The following RSRC1 variants were observed in gnomAD, a reference collection of about 807,000 sequenced individuals.
RSRC1 encodes the protein arginine and serine rich coiled-coil 1.
Under a neutral mutation model 49.1 loss-of-function variants are expected in RSRC1, and 39 were observed. That is an observed-to-expected ratio of 0.79 (90% confidence interval 0.61 to 1.04). The LOEUF (loss-of-function observed/expected upper bound fraction) is 1.04. RSRC1 is among the 50% of genes least tolerant of loss of function. RSRC1 has a pLI of 0.00. For synonymous variants in RSRC1, 143 were observed against 130.8 expected, an observed-to-expected ratio of 1.09 and a Z score of -0.63; for missense variants, 388 against 402.4, an observed-to-expected ratio of 0.96 and a Z score of 0.31.
intron 6 of RSRC1, among the ~76,000 whole-genome samples, chr3:158,428,195 T>A (rs1048057534): frequency 6.6e-6 from 1 of 151,886 alleles, no homozygotes; most frequent in Admixed American, 6.6e-5. Flanking sequence ...ATAAGTCTAA[T>A]ACACCTCCAG....
At chr3:158,360,840 A>G (rs1731426045) in intron 6 of RSRC1, among the ~76,000 whole-genome samples, 1 of 152,156 alleles carries the variant, frequency 6.6e-6, no homozygotes, top group Non-Finnish European at 1.5e-5. Context: ...CCACAGCCCC[A>G]ACTTGGGGGC....
chr3:158,326,764 C>A (rs1234020886), intron 5 of RSRC1, among the ~76,000 whole-genome samples: 1 of 152,122 alleles, frequency 6.6e-6, no homozygotes, highest in South Asian at 2.1e-4. Flanking sequence ...AGGGAGGATT[C>A]CCTCTTTTTC....
At chr3:158,449,438 T>C (rs1252074112) in intron 6 of RSRC1, among the ~76,000 whole-genome samples, 1 of 151,954 alleles carries the variant, frequency 6.6e-6, no homozygotes, top group East Asian at 1.9e-4. Flanking sequence ...ATAATTCTCT[T>C]TACTGCAGAA....
intron 7 of RSRC1, among the ~76,000 whole-genome samples, chr3:158,485,795 T>G (rs1339152162): frequency 6.6e-6 from 1 of 152,180 alleles, no homozygotes; most frequent in Admixed American, 6.6e-5. Context: ...AACTGTGATT[T>G]TCACTGACTT....
chr3:158,371,787 C>G (rs958880006), intron 6 of RSRC1, among the ~76,000 whole-genome samples: 2 of 151,856 alleles, frequency 1.3e-5, no homozygotes, highest in African/African-American at 4.8e-5. Context: ...AAACTGTTTT[C>G]CAAAGTGGCT....
intron 4 of RSRC1, among the ~76,000 whole-genome samples, chr3:158,242,317 C>T (rs916411846): frequency 1.3e-5 from 2 of 151,926 alleles, no homozygotes; most frequent in African/African-American, 4.8e-5. Flanking sequence ...GTTTTTTGTT[C>T]CTGTGTTAGT....
chr3:158,276,084 T>A (rs1559972381), intron 4 of RSRC1: 12 of 883,694 alleles, frequency 1.4e-5, no homozygotes, highest in Non-Finnish European at 1.7e-5. Context: ...TCAGGACTCT[T>A]AGAGCCCCAC....
intron 3 of RSRC1, among the ~76,000 whole-genome samples, chr3:158,168,354 T>C (rs531570310): frequency 6.6e-5 from 10 of 152,292 alleles, no homozygotes; most frequent in African/African-American, 2.4e-4. Flanking sequence ...ATCTAGAGAA[T>C]TGTGTGAAAT....
At chr3:158,271,656 G>A (rs1725524939) in intron 4 of RSRC1, among the ~76,000 whole-genome samples, 1 of 151,944 alleles carries the variant, frequency 6.6e-6, no homozygotes, top group Non-Finnish European at 1.5e-5. Flanking sequence ...GTAAAATTAA[G>A]TTACATCATG....
At chr3:158,341,136 A>C (rs1029819405) in intron 5 of RSRC1, among the ~76,000 whole-genome samples, 3 of 152,160 alleles carry the variant, frequency 2.0e-5, no homozygotes, top group Non-Finnish European at 4.4e-5. Context: ...AGTTCAGAAA[A>C]TTTGCAGCCT....
intron 4 of RSRC1, among the ~76,000 whole-genome samples, chr3:158,291,207 G>T: frequency 6.6e-6 from 1 of 152,120 alleles, no homozygotes. Flanking sequence ...ATTTTTAATA[G>T]TTAACTCAAT....
intron 3 of RSRC1, among the ~76,000 whole-genome samples, chr3:158,131,636 T>G (rs141840454): frequency 1.3e-5 from 2 of 152,218 alleles, no homozygotes; most frequent in East Asian, 3.9e-4. Context: ...GCATGAATAT[T>G]TTTTCTTTCA....
chr3:158,142,588 G>A (rs147904435), intron 3 of RSRC1, among the ~76,000 whole-genome samples: 64 of 152,274 alleles, frequency 4.2e-4, no homozygotes, highest in African/African-American at 1.4e-3. Context: ...GTTTATAAAC[G>A]TGGTGAAAGG....
chr3:158,417,058 A>G (rs1734775007), intron 6 of RSRC1, among the ~76,000 whole-genome samples: 5 of 152,036 alleles, frequency 3.3e-5, no homozygotes, highest in Admixed American at 2.6e-4. Context: ...CTTATTTTAT[A>G]TAGAGCAGAA....
chr3:158,426,875 A>G (rs1240350656), intron 6 of RSRC1, among the ~76,000 whole-genome samples: 2 of 151,810 alleles, frequency 1.3e-5, no homozygotes, highest in Admixed American at 6.6e-5. Flanking sequence ...AGCTTTTTTG[A>G]TGAACTCTTT....
At chr3:158,197,702 C>T (rs537196741) in intron 3 of RSRC1, among the ~76,000 whole-genome samples, 34 of 152,018 alleles carry the variant, frequency 2.2e-4, no homozygotes, top group African/African-American at 7.7e-4. Context: ...TCTTTGTTCT[C>T]GTTGGTTTCA....
intron 3 of RSRC1, among the ~76,000 whole-genome samples, chr3:158,196,563 A>C (rs1290345545): frequency 2.0e-5 from 3 of 152,174 alleles, no homozygotes; most frequent in African/African-American, 4.8e-5. Context: ...GAGAGAGGGC[A>C]TCCCTGTCTT....
At chr3:158,395,603 T>A (rs1426966015) in intron 6 of RSRC1, among the ~76,000 whole-genome samples, 2 of 152,008 alleles carry the variant, frequency 1.3e-5, no homozygotes, top group African/African-American at 4.8e-5. Flanking sequence ...TTGCTAGAGA[T>A]ATGCAAACCA....
chr3:158,433,356 T>C (rs1456511843), intron 6 of RSRC1, among the ~76,000 whole-genome samples: 1 of 152,028 alleles, frequency 6.6e-6, no homozygotes, highest in African/African-American at 2.4e-5. Context: ...GAGTCATTTT[T>C]ATTTTTCCAA....
Sources: allele counts gnomAD v4.1 joint callset (sites outside exome capture counted in the v4.1 genomes callset), GRCh38; gene constraint gnomAD v4.1.1; transcripts MANE v1.5; gene names NCBI Gene and HGNC (gene_info 2026-07-23, HGNC 2026-07-21).